ZNF804B: variants seen among roughly 807,000 people sequenced by gnomAD.
ZNF804B encodes the protein zinc finger 804B.
A neutral mutation model predicts 101.4 loss-of-function variants in ZNF804B; 80 were observed. The observed-to-expected ratio is 0.79, with a 90% confidence interval of 0.66 to 0.95. The LOEUF (loss-of-function observed/expected upper bound fraction) is 0.95. ZNF804B is among the 40% of genes least tolerant of loss of function. The pLI is 0.00. For missense variants in ZNF804B, 1,673 were observed against 1,561.9 expected (o/e 1.07, Z -1.20); for synonymous variants, 622 against 558.8 (o/e 1.11, Z -1.59).
intron 1 of ZNF804B, among the ~76,000 whole-genome samples, chr7:89,152,931 T>C (rs916063825): frequency 9.2e-5 from 14 of 152,214 alleles, no homozygotes; most frequent in African/African-American, 3.1e-4. Flanking sequence ...CACCTTTGTC[T>C]TTAAACATTT....
chr7:88,784,629 G>A (rs537372431), intron 1 of ZNF804B, among the ~76,000 whole-genome samples: 14 of 152,188 alleles, frequency 9.2e-5, no homozygotes, highest in Non-Finnish European at 1.5e-4. Flanking sequence ...ACTGCCAACG[G>A]CCAAGCTTTT....
intron 1 of ZNF804B, among the ~76,000 whole-genome samples, chr7:88,947,891 T>C (rs1793160685): frequency 6.6e-6 from 1 of 151,900 alleles, no homozygotes; most frequent in Admixed American, 6.6e-5. Flanking sequence ...ACAGGGGTCA[T>C]GCAACCAATT....
chr7:89,278,444 G>T (rs547808413), intron 2 of ZNF804B, among the ~76,000 whole-genome samples: 2 of 150,528 alleles, frequency 1.3e-5, no homozygotes. Context: ...GTCCTGAATG[G>T]TAATGCCTAG....
intron 1 of ZNF804B, among the ~76,000 whole-genome samples, chr7:89,132,172 A>G (rs1366168334): frequency 8.7e-5 from 4 of 46,000 alleles, no homozygotes; most frequent in African/African-American, 8.9e-5. Flanking sequence ...GCACACATAC[A>G]CACACACACA....
intron 1 of ZNF804B, among the ~76,000 whole-genome samples, chr7:89,019,098 T>G (rs1354482034): frequency 6.6e-6 from 1 of 152,062 alleles, no homozygotes; most frequent in African/African-American, 2.4e-5. Context: ...GCTTTTCTAC[T>G]TTATTGATGC....
chr7:89,095,788 A>C (rs1789963858), intron 1 of ZNF804B, among the ~76,000 whole-genome samples: 1 of 152,194 alleles, frequency 6.6e-6, no homozygotes, highest in African/African-American at 2.4e-5. Flanking sequence ...AAAAATAGAT[A>C]CAAAAATATT....
intron 1 of ZNF804B, among the ~76,000 whole-genome samples, chr7:89,194,526 T>C (rs62463581): frequency 0.086 from 12,205 of 141,476 alleles, 594 homozygotes; most frequent in Middle Eastern, 0.2. Flanking sequence ...CAGCTTTCTA[T>C]ATATGGCTAG....
chr7:89,140,038 C>G (rs1323885289), intron 1 of ZNF804B, among the ~76,000 whole-genome samples: 1 of 151,986 alleles, frequency 6.6e-6, no homozygotes, highest in Non-Finnish European at 1.5e-5. Context: ...GATCCATGAG[C>G]TGCAGAATGA....
At chr7:89,174,150 A>G (rs1429888074) in intron 1 of ZNF804B, among the ~76,000 whole-genome samples, 1 of 151,904 alleles carries the variant, frequency 6.6e-6, no homozygotes, top group Non-Finnish European at 1.5e-5. Context: ...AATGTACACA[A>G]CTTTTTGTGC....
intron 1 of ZNF804B, among the ~76,000 whole-genome samples, chr7:88,935,648 A>G (rs1002902765): frequency 6.6e-6 from 1 of 152,034 alleles, no homozygotes; most frequent in Admixed American, 6.6e-5. Context: ...TTCAGCTAAA[A>G]ATACTCAATG....
chr7:88,877,008 AT>A (rs1278756505), intron 1 of ZNF804B, among the ~76,000 whole-genome samples: 4,213 of 70,612 alleles, frequency 0.06, 245 homozygotes, highest in African/African-American at 0.1. Flanking sequence ...GAAAAAAAAA[AT>A]ATATATATAT....
chr7:89,314,875 C>A (rs1443439013), intron 2 of ZNF804B, among the ~76,000 whole-genome samples: 1 of 152,206 alleles, frequency 6.6e-6, no homozygotes, highest in Admixed American at 6.5e-5. Context: ...GTCTTCCTCA[C>A]TTCCACTTCC....
intron 2 of ZNF804B, among the ~76,000 whole-genome samples, chr7:89,226,897 A>G (rs1361017644): frequency 6.6e-6 from 1 of 152,182 alleles, no homozygotes; most frequent in East Asian, 1.9e-4. Flanking sequence ...ACCATATATA[A>G]GAACAAAGTT....
chr7:88,894,525 T>C (rs962029372), intron 1 of ZNF804B, among the ~76,000 whole-genome samples: 3 of 152,138 alleles, frequency 2.0e-5, no homozygotes, highest in Non-Finnish European at 1.5e-5. Flanking sequence ...TCATACGCTA[T>C]TAATAGCATA....
At chr7:88,941,704 G>T (rs909899271) in intron 1 of ZNF804B, among the ~76,000 whole-genome samples, 7 of 151,800 alleles carry the variant, frequency 4.6e-5, no homozygotes, top group Non-Finnish European at 1.0e-4. Context: ...TTATACATTC[G>T]TCAAAATCCA....
chr7:88,824,125 T>G (rs183695042), intron 1 of ZNF804B, among the ~76,000 whole-genome samples: 2 of 152,350 alleles, frequency 1.3e-5, no homozygotes, highest in Admixed American at 6.5e-5. Flanking sequence ...CCAATTTTTC[T>G]GAGAGCATTA....
chr7:89,184,854 C>T (rs554460514), intron 1 of ZNF804B, among the ~76,000 whole-genome samples: 3 of 148,166 alleles, frequency 2.0e-5, no homozygotes, highest in Non-Finnish European at 3.0e-5. Flanking sequence ...TTGACAAAAA[C>T]GTGTATATTC....
chr7:88,992,724 G>C (rs1056136719), intron 1 of ZNF804B, among the ~76,000 whole-genome samples: 1 of 151,976 alleles, frequency 6.6e-6, no homozygotes, highest in Non-Finnish European at 1.5e-5. Flanking sequence ...TATAATCAAG[G>C]TGTGATATCT....
intron 1 of ZNF804B, among the ~76,000 whole-genome samples, chr7:88,857,936 C>T (rs1311954104): frequency 2.1e-5 from 3 of 142,958 alleles, no homozygotes; most frequent in Non-Finnish European, 3.0e-5. Flanking sequence ...CGATTTCATG[C>T]GTCAGCCTCC....
Sources: gnomAD v4.1 joint callset for allele counts (sites outside exome capture counted in the v4.1 genomes callset) on GRCh38, gnomAD v4.1.1 for gene constraint, MANE v1.5 for transcripts, NCBI Gene and HGNC (gene_info 2026-07-23, HGNC 2026-07-21) for gene names.